The following SMAD2 variants were observed in gnomAD, a reference collection of about 807,000 sequenced individuals.
SMAD2 encodes the protein MAD homolog 2.
A neutral mutation model predicts 64.4 loss-of-function variants in SMAD2; 8 were observed. That is an observed-to-expected ratio of 0.12 (90% CI 0.07 to 0.22). The LOEUF is 0.22. Among genes scored for constraint, SMAD2 ranks in the 10% least tolerant of loss-of-function variants. SMAD2 has a pLI of 1.00. For synonymous variants in SMAD2, 203 were observed against 195.8 expected (o/e 1.04, Z -0.31); for missense variants, 289 against 561.2 (o/e 0.51, Z 4.90).
Position 47,837,105 on chromosome 18 carries a change from G to C in SMAD2, c.*4722C>G, listed in dbSNP as rs903053836. 6 of 201,962 alleles carry C rather than the reference G, an allele frequency of 3.0e-5. No individual in the cohort carries two copies. Among genetic ancestry groups the C allele is most frequent in the Non-Finnish European group, 6.1e-5 (6 of 98,180 alleles). 12.5% of individuals were successfully genotyped at this position (201,962 alleles called of 1,614,324 possible). On this transcript the variant is annotated 3_prime_UTR_variant, in exon 11 of 11. Coordinates refer to ENST00000262160, the MANE Select transcript of SMAD2 (RefSeq NM_005901.6). ...ATTTATGCCATTTGCCAGTCACAAA[G>C]ACATTTACTGAACAGAATTTTTGAG...
At chr18:47,870,133 A>C (rs777371097) in intron 3 of SMAD2, among the ~76,000 whole-genome samples, 3 of 152,170 alleles carry the variant, frequency 2.0e-5, no homozygotes, top group Non-Finnish European at 2.9e-5. Flanking sequence ...TGATAACAAG[A>C]AATTTAGCAA....
At position 47,881,501 on chromosome 18, in the gene SMAD2, T is replaced by C. The variant is rs542146650; in HGVS notation, c.237-10937A>G. Among the ~76,000 whole-genome samples, 53 of 152,314 alleles carry C rather than the reference T, an allele frequency of 3.5e-4. 1 individual carries two copies. In the Middle Eastern group the frequency reaches 0.017, roughly 49 times the overall value. On this transcript the variant is annotated intron_variant, in intron 2 of 10. Transcript: ENST00000262160. ...TTTAGTGGCTATATTTATAGATTCT[T>C]TAGGATTTCCTACATAAATAAGCAT...
intron 2 of SMAD2, among the ~76,000 whole-genome samples, chr18:47,878,898 C>T (rs559213326): frequency 1.6e-4 from 25 of 152,238 alleles, no homozygotes; most frequent in African/African-American, 6.0e-4. Flanking sequence ...TCTATCCATC[C>T]CTTACTTTTT....
intron 6 of SMAD2, 93 bp from the exon 7 acceptor site, chr18:47,851,420 C>A: frequency 2.9e-5 from 21 of 735,816 alleles, no homozygotes; most frequent in South Asian, 7.6e-5. Flanking sequence ...TAATTATCAA[C>A]AATAATACAA....
At chr18:47,870,138 T>C (rs552025569) in intron 3 of SMAD2, among the ~76,000 whole-genome samples, 11 of 152,272 alleles carry the variant, frequency 7.2e-5, no homozygotes, top group South Asian at 4.2e-4. Flanking sequence ...ACAAGAAATT[T>C]AGCAAAACTC....
At chr18:47,857,894 T>G (rs148547698) in intron 6 of SMAD2, among the ~76,000 whole-genome samples, 1 of 152,336 alleles carries the variant, frequency 6.6e-6, no homozygotes, top group East Asian at 1.9e-4. Flanking sequence ...ATATGCAGTC[T>G]TGCCATATTT....
At position 47,830,354 on chromosome 18, in the gene SMAD2, A is replaced by G. The variant is rs1420182002; in HGVS notation, c.*11473T>C. 6.6e-6 allele frequency: 1 copy of G among 152,116 alleles called. No individual in the cohort carries two copies. Among genetic ancestry groups the G allele is most frequent in the African/African-American group, 2.4e-5 (1 of 41,400 alleles). 9.4% of individuals were successfully genotyped at this position (152,116 alleles called of 1,614,324 possible). On this transcript the variant is annotated 3_prime_UTR_variant, in exon 11 of 11. Coordinates refer to ENST00000262160, the MANE Select transcript of SMAD2 (RefSeq NM_005901.6). ...CACTTTGGGAGGCCGAGGCAGGCAA[A>G]TCATCTGAGGTCAGGAGTTCAAGAC...
chr18:47,909,700 G>C (rs901744479), intron 1 of SMAD2, among the ~76,000 whole-genome samples: 1 of 152,134 alleles, frequency 6.6e-6, no homozygotes, highest in Non-Finnish European at 1.5e-5. Context: ...AAAAAGGCCA[G>C]GGCAACCAGA....
chr18:47,889,904 G>A (rs796370687), intron 2 of SMAD2, among the ~76,000 whole-genome samples: 1 of 152,178 alleles, frequency 6.6e-6, no homozygotes, highest in Non-Finnish European at 1.5e-5. Flanking sequence ...CAAGAAAAGA[G>A]GGTATATTGT....
chr18:47,821,187 A>G lies in SMAD2; in HGVS notation c.*20640T>C, dbSNP rs1017472222. The G allele has an allele frequency of 1.7e-4, 26 of 152,256 alleles. No homozygotes were observed. The highest frequency in any genetic ancestry group is 2.4e-4 in the Non-Finnish European group (16 of 67,994). The allele number at this position is 152,256 out of a possible 1,614,324, so 9.4% of individuals were successfully genotyped here. A position where few individuals can be genotyped will look rare whatever the true frequency, so the allele number is the denominator to read the frequency against. On this transcript the variant is annotated 3_prime_UTR_variant, in exon 11 of 11. Coordinates refer to ENST00000262160, the MANE Select transcript of SMAD2 (RefSeq NM_005901.6). ...GTTTTCTTCTTGAAGATCCTGATTT[A>G]TATCTCACAAGTTCAACCTTTGCTG...
intron 6 of SMAD2, among the ~76,000 whole-genome samples, chr18:47,855,187 A>G (rs1399810912): frequency 6.6e-6 from 1 of 152,230 alleles, no homozygotes; most frequent in Non-Finnish European, 1.5e-5. Context: ...CAACACTGTA[A>G]CGAAATGACA....
chr18:47,865,534 T>C (rs558992392), intron 5 of SMAD2, among the ~76,000 whole-genome samples: 1 of 152,282 alleles, frequency 6.6e-6, no homozygotes, highest in South Asian at 2.1e-4. Context: ...TATGAGTACT[T>C]AGAAAATTAA....
chr18:47,841,693 T>A lies in SMAD2; in HGVS notation c.*134A>T, dbSNP rs1212001420. The A allele has an allele frequency of 1.1e-6, 1 of 924,716 alleles. No individual in the cohort carries two copies. The highest frequency in any genetic ancestry group is 2.6e-5 in the East Asian group (1 of 39,106). The allele number at this position is 924,716 out of a possible 1,614,324, so 57.3% of individuals were successfully genotyped here. A position where few individuals can be genotyped will look rare whatever the true frequency, so the allele number is the denominator to read the frequency against. ...AGGAAACAGATTCCACAAGGTGCTT[T>A]AATTGATGAGACCTCAAGTGCTGTT... On this transcript the variant is annotated 3_prime_UTR_variant, in exon 11 of 11. Transcript: ENST00000262160.
Position 47,841,996 on chromosome 18 carries a change from A to AG in SMAD2, c.1281-47dup, listed in dbSNP as rs574897822. The AG allele has an allele frequency of 5.0e-3, 8,063 of 1,610,162 alleles. 35 individuals carry two copies. The highest frequency in any genetic ancestry group is 6.3e-3 in the Non-Finnish European group (7,403 of 1,176,760). ...AAATGATTATGAAATTCAAGTCCAC[A>AG]GGCAGGGAAAATGGCTATGTTTAGG... On this transcript the variant is annotated intron_variant, in intron 10 of 10. Coordinates refer to ENST00000262160, the MANE Select transcript of SMAD2 (RefSeq NM_005901.6).
intron 6 of SMAD2, among the ~76,000 whole-genome samples, chr18:47,860,746 C>T (rs2031111631): frequency 2.0e-5 from 3 of 151,966 alleles, no homozygotes; most frequent in Admixed American, 2.0e-4. Context: ...TGGAAAAATT[C>T]TCAAAAATAA....
intron 5 of SMAD2, among the ~76,000 whole-genome samples, chr18:47,866,142 C>A (rs572451005): frequency 6.6e-6 from 1 of 151,778 alleles, no homozygotes; most frequent in Admixed American, 6.6e-5. Flanking sequence ...CATGGAGAAA[C>A]CCCATCTCTA....
intron 1 of SMAD2, among the ~76,000 whole-genome samples, chr18:47,923,369 C>G (rs2034640821): frequency 1.3e-5 from 2 of 152,270 alleles, no homozygotes; most frequent in Admixed American, 1.3e-4. Context: ...TCAATTAAAG[C>G]AAAGTCTAGA....
intron 2 of SMAD2, among the ~76,000 whole-genome samples, chr18:47,890,747 T>A (rs1386928119): frequency 6.6e-6 from 1 of 152,164 alleles, no homozygotes; most frequent in African/African-American, 2.4e-5. Context: ...TTCATACATA[T>A]TACGATACAG....
intron 1 of SMAD2, among the ~76,000 whole-genome samples, chr18:47,902,668 G>A (rs148867181): frequency 2.1e-4 from 32 of 152,252 alleles, no homozygotes; most frequent in East Asian, 3.9e-4. Flanking sequence ...TGATTAGGAC[G>A]TAGAAAGTTA....
Sources: allele counts gnomAD v4.1 joint callset (sites outside exome capture counted in the v4.1 genomes callset), GRCh38; gene constraint gnomAD v4.1.1; transcripts MANE v1.5; gene names NCBI Gene and HGNC (gene_info 2026-07-23, HGNC 2026-07-21).